CRACD: variants seen among roughly 807,000 people sequenced by gnomAD.
CRACD encodes the protein capping protein-inhibiting regulator of actin dynamics.
CRACD carries 56 observed loss-of-function variants against 106.8 expected under a neutral mutation model. The ratio of observed to expected loss-of-function variants is 0.52; its 90% CI spans 0.42 to 0.66. The LOEUF is 0.66. CRACD is among the 30% of genes least tolerant of loss of function. CRACD has a pLI of 0.00. For synonymous variants in CRACD, 754 were observed against 670.8 expected (o/e 1.12, Z -1.92); for missense variants, 1,730 against 1,623.2 (o/e 1.07, Z -1.13).
chr4:56,295,620 C>G (rs1423387154), intron 3 of CRACD, among the ~76,000 whole-genome samples: 1 of 146,596 alleles, frequency 6.8e-6, no homozygotes, highest in Non-Finnish European at 1.5e-5. Flanking sequence ...TAGCCTAGCA[C>G]TGGTGTATTC....
intron 2 of CRACD, among the ~76,000 whole-genome samples, chr4:56,198,330 T>C (rs373814406): frequency 8.5e-5 from 13 of 152,172 alleles, no homozygotes; most frequent in African/African-American, 3.1e-4. Context: ...CTGAGGGAAT[T>C]TGTGGTATCA....
chr4:56,245,471 T>C (rs75578227), intron 2 of CRACD, among the ~76,000 whole-genome samples: 1 of 152,162 alleles, frequency 6.6e-6, no homozygotes. Context: ...TGTTTACTGG[T>C]TTTCTGAACT....
intron 1 of CRACD, among the ~76,000 whole-genome samples, chr4:56,091,092 G>T (rs977606291): frequency 6.6e-6 from 1 of 151,782 alleles, no homozygotes; most frequent in Non-Finnish European, 1.5e-5. Flanking sequence ...TATCTCTGTT[G>T]CCCAGGGTGG....
chr4:56,119,804 T>C (rs139696502), intron 1 of CRACD, among the ~76,000 whole-genome samples: 15 of 152,330 alleles, frequency 9.8e-5, no homozygotes, highest in Admixed American at 4.6e-4. Context: ...CCCAGAGGCA[T>C]TTCATACATA....
At position 56,149,763 on chromosome 4, in the gene CRACD, G is replaced by A. The variant is rs150080719; in HGVS notation, c.-335-29521G>A. ...ATTCTTTCAGATGAGCTGTGCATGT[G>A]TTGCTATCTCAAGCCCATTGGTCTC... On this transcript the variant is annotated intron_variant, in intron 1 of 10. Coordinates refer to ENST00000682029, the MANE Select transcript of CRACD (RefSeq NM_001393381.1). Among the ~76,000 whole-genome samples, 502 of 152,278 alleles carry A rather than the reference G, an allele frequency of 3.3e-3. 2 individuals are homozygous for A. The highest frequency in any genetic ancestry group is 6.1e-3 in the Non-Finnish European group (418 of 68,024).
chr4:56,132,101 G>C (rs1734843242), intron 1 of CRACD, among the ~76,000 whole-genome samples: 1 of 152,176 alleles, frequency 6.6e-6, no homozygotes, highest in Non-Finnish European at 1.5e-5. Flanking sequence ...CTAGAGTGCA[G>C]TGGTGCAACC....
At position 56,316,317 on chromosome 4, in the gene CRACD, G is replaced by A; in HGVS notation, c.2815G>A (p.Ala939Thr). ...VPVAHPGPPP[A>T]SSQTPAPEHD... ...TGTGGCCCACCCTGGGCCTCCACCG[G>A]CCAGCAGCCAGACCCCGGCTCCGGA... The change falls in exon 8 of 11, where the codon GCC (alanine) becomes ACC (threonine). Residue 939 changes from alanine (A) to threonine (T), a missense_variant. Coordinates refer to ENST00000682029, the MANE Select transcript of CRACD (RefSeq NM_001393381.1). 1 of 1,613,994 alleles carries A rather than the reference G, an allele frequency of 6.2e-7. No individual in the cohort carries two copies. The highest frequency in any genetic ancestry group is 8.5e-7 in the Non-Finnish European group (1 of 1,179,908).
intron 2 of CRACD, among the ~76,000 whole-genome samples, chr4:56,183,119 G>T (rs1356945642): frequency 6.6e-6 from 1 of 151,548 alleles, no homozygotes; most frequent in Non-Finnish European, 1.5e-5. Context: ...TGTAATCCCA[G>T]CTACTCCGGA....
At chr4:56,306,229 C>T (rs2109742869) in intron 4 of CRACD, among the ~76,000 whole-genome samples, 1 of 152,250 alleles carries the variant, frequency 6.6e-6, no homozygotes, top group African/African-American at 2.4e-5. Flanking sequence ...TGTGGTGGCT[C>T]ATGCCTGTAA....
At chr4:56,080,664 G>C (rs552869040) in intron 1 of CRACD, among the ~76,000 whole-genome samples, 1 of 152,214 alleles carries the variant, frequency 6.6e-6, no homozygotes, top group Non-Finnish European at 1.5e-5. Context: ...TGTATGTGCT[G>C]TGGTAAATGG....
intron 2 of CRACD, among the ~76,000 whole-genome samples, chr4:56,271,781 T>C (rs963675161): frequency 6.6e-6 from 1 of 152,212 alleles, no homozygotes; most frequent in African/African-American, 2.4e-5. Flanking sequence ...GGTCTCACTC[T>C]GTTGCTCAGA....
intron 2 of CRACD, among the ~76,000 whole-genome samples, chr4:56,256,801 C>T (rs912521513): frequency 4.6e-5 from 7 of 152,160 alleles, no homozygotes; most frequent in Non-Finnish European, 1.5e-5. Flanking sequence ...TCTAAGTCCC[C>T]CAACAGATTG....
intron 8 of CRACD, 81 bp from the exon 9 acceptor site, chr4:56,323,296 C>T: frequency 7.9e-7 from 1 of 1,266,570 alleles, no homozygotes; most frequent in Non-Finnish European, 1.1e-6. Flanking sequence ...ATTAATATGT[C>T]ACAAGTTTTA....
At chr4:56,242,032 T>G (rs1036438426) in intron 2 of CRACD, among the ~76,000 whole-genome samples, 1 of 152,236 alleles carries the variant, frequency 6.6e-6, no homozygotes, top group Non-Finnish European at 1.5e-5. Flanking sequence ...TCTGATTTAC[T>G]TTATTTTGAA....
chr4:56,127,027 G>A (rs1275849868), intron 1 of CRACD, among the ~76,000 whole-genome samples: 2 of 152,176 alleles, frequency 1.3e-5, no homozygotes, highest in Non-Finnish European at 2.9e-5. Context: ...TTGGGAGATG[G>A]GGCCTTTTTG....
chr4:56,068,779 A>T (rs1732541927), intron 1 of CRACD, among the ~76,000 whole-genome samples: 1 of 152,098 alleles, frequency 6.6e-6, no homozygotes, highest in South Asian at 2.1e-4. Flanking sequence ...GTGCATAAAG[A>T]TCTGGAGTTT....
At chr4:56,203,229 T>C (rs1737963932) in intron 2 of CRACD, among the ~76,000 whole-genome samples, 2 of 152,230 alleles carry the variant, frequency 1.3e-5, no homozygotes, top group Admixed American at 1.3e-4. Flanking sequence ...CCTGCTCTTT[T>C]GCACTGGCAG....
At chr4:56,236,243 T>C (rs1739963220) in intron 2 of CRACD, among the ~76,000 whole-genome samples, 1 of 152,046 alleles carries the variant, frequency 6.6e-6, no homozygotes, top group African/African-American at 2.4e-5. Flanking sequence ...TGGAGTGATG[T>C]GTCTGCAAGC....
At chr4:56,107,428 A>G (rs1264854827) in intron 1 of CRACD, among the ~76,000 whole-genome samples, 1 of 152,186 alleles carries the variant, frequency 6.6e-6, no homozygotes, top group Admixed American at 6.5e-5. Context: ...TATCTGCCAC[A>G]TACATGCTTA....
Sources: gnomAD v4.1 joint callset for allele counts (sites outside exome capture counted in the v4.1 genomes callset) on GRCh38, gnomAD v4.1.1 for gene constraint, MANE v1.5 for transcripts, NCBI Gene and HGNC (gene_info 2026-07-23, HGNC 2026-07-21) for gene names.